Variants in SESN3 observed in about 807,000 individuals in gnomAD.
SESN3 encodes the protein sestrin-3.
Under a neutral mutation model 55.3 loss-of-function variants are expected in SESN3, and 21 were observed. That is an observed-to-expected ratio of 0.38 (90% CI 0.27 to 0.55). The LOEUF (loss-of-function observed/expected upper bound fraction) is 0.55, where lower values mean the gene tolerates loss of function less well. Among genes scored for constraint, SESN3 ranks in the 20% least tolerant of loss-of-function variants. The pLI is 0.76. For synonymous variants in SESN3, 181 were observed against 203.1 expected (o/e 0.89, Z 0.93); for missense variants, 408 against 604.3 (o/e 0.68, Z 3.41).
chr11:95,191,768 C>A (rs1860273905), intron 2 of SESN3, among the ~76,000 whole-genome samples, 167 bp from the exon 3 acceptor site: 1 of 151,980 alleles, frequency 6.6e-6, no homozygotes, highest in Non-Finnish European at 1.5e-5. Context: ...AAGAAAGCAC[C>A]ATTCATTTTT....
intron 7 of SESN3, among the ~76,000 whole-genome samples, chr11:95,178,162 C>G (rs948945058): frequency 2.0e-5 from 3 of 152,134 alleles, no homozygotes. Context: ...TCAGGTACTA[C>G]GCACACTATC....
At chr11:95,219,418 T>C (rs1206316442) in intron 1 of SESN3, among the ~76,000 whole-genome samples, 4 of 152,206 alleles carry the variant, frequency 2.6e-5, no homozygotes, top group African/African-American at 9.7e-5. Context: ...ATATTAAATG[T>C]CTAATTTTAT....
intron 1 of SESN3, among the ~76,000 whole-genome samples, chr11:95,203,092 G>A (rs1860488112): frequency 6.6e-6 from 1 of 151,904 alleles, no homozygotes; most frequent in African/African-American, 2.4e-5. Flanking sequence ...GGTGTATGAG[G>A]GACAAGTGGA....
At chr11:95,187,093 T>A (rs1447552748) in intron 4 of SESN3, among the ~76,000 whole-genome samples, 1 of 151,976 alleles carries the variant, frequency 6.6e-6, no homozygotes, top group African/African-American at 2.4e-5. Context: ...AGGCCTCTCC[T>A]GTATATCAAC....
intron 4 of SESN3, among the ~76,000 whole-genome samples, chr11:95,189,479 T>TCTC (rs1860226827): frequency 6.6e-6 from 1 of 151,968 alleles, no homozygotes; most frequent in Non-Finnish European, 1.5e-5. Context: ...CACAAACTTG[T>TCTC]AACAGAGTAC....
chr11:95,196,457 AT>A (rs143884275), intron 1 of SESN3, among the ~76,000 whole-genome samples: 2,589 of 146,310 alleles, frequency 0.018, 25 homozygotes, highest in Middle Eastern at 0.028. Flanking sequence ...CAAAAGATTG[AT>A]TTTTTTTTTT....
chr11:95,230,684 C>T lies in SESN3; in HGVS notation c.78+99G>A. On this transcript the variant is annotated intron_variant, in intron 1 of 9. Transcript: ENST00000536441. The surrounding 1 kb of genome is among the most constrained non-coding windows in gnomAD (Gnocchi z 4.6). ...TGCGGAGGGACGGTGCCCGGGGATC[C>T]CTCTCAGCCTCCCCCAGTGCGCGCC... The T allele has an allele frequency of 6.2e-6, 5 of 812,938 alleles. No homozygotes were observed. Among genetic ancestry groups the T allele is most frequent in the Non-Finnish European group, 9.9e-6 (5 of 504,030 alleles). 50.4% of individuals were successfully genotyped at this position (812,938 alleles called of 1,614,324 possible).
At chr11:95,179,229 A>C (rs1011684453) in intron 6 of SESN3, among the ~76,000 whole-genome samples, 1 of 151,276 alleles carries the variant, frequency 6.6e-6, no homozygotes, top group Non-Finnish European at 1.5e-5. Context: ...ATCTTAGCTC[A>C]CTGCAACCTC....
chr11:95,179,236 C>T (rs1178352694), intron 6 of SESN3, among the ~76,000 whole-genome samples: 3 of 151,834 alleles, frequency 2.0e-5, no homozygotes, highest in African/African-American at 2.4e-5. Flanking sequence ...CTCACTGCAA[C>T]CTCTGCCTCC....
rs3032056 is a variant in SESN3, at chr11:95,206,365, T to TACACAC, written c.79-12849_79-12844dup. 5.1e-3 allele frequency among the ~76,000 whole-genome samples: 716 copies of TACACAC among 140,452 alleles called. 6 individuals carry two copies. The highest frequency in any genetic ancestry group is 0.014 in the African/African-American group (555 of 38,302). The allele number at this position is 140,452 out of a possible 152,430, so 92.1% of individuals were successfully genotyped here. On this transcript the variant is annotated intron_variant, in intron 1 of 9. Transcript: ENST00000536441. ...TCCTGGATTTATGCCAGTCCTAAAA[T>TACACAC]ACACACACACACACACACACACACA...
Position 95,172,907 on chromosome 11 carries a change from G to A in SESN3, c.*348C>T, listed in dbSNP as rs542538323. The A allele has an allele frequency of 2.1e-4, 40 of 190,506 alleles. No individual in the cohort carries two copies. Among genetic ancestry groups the A allele is most frequent in the African/African-American group, 9.1e-4 (39 of 43,042 alleles). The allele number at this position is 190,506 out of a possible 1,614,324, so 11.8% of individuals were successfully genotyped here. On this transcript the variant is annotated 3_prime_UTR_variant, in exon 10 of 10. Transcript: ENST00000536441. ...TCCTTATTCTTAAAAAAAAAAGGGC[G>A]GGGTGGGGGGAGAAAAAATACACAT...
intron 1 of SESN3, among the ~76,000 whole-genome samples, chr11:95,205,741 C>T (rs534516624): frequency 6.6e-6 from 1 of 152,160 alleles, no homozygotes; most frequent in Admixed American, 6.6e-5. Context: ...CATTTAAAGA[C>T]CCAAACTTTT....
intron 1 of SESN3, among the ~76,000 whole-genome samples, chr11:95,218,642 AC>A (rs1410269325): frequency 7.1e-6 from 1 of 141,448 alleles, no homozygotes; most frequent in Non-Finnish European, 1.5e-5. Context: ...ACATAGATTT[AC>A]CCTCTTTTTT....
chr11:95,172,875 G>A lies in SESN3; in HGVS notation c.*380C>T, dbSNP rs1380034115. Reference sequence around the variant, plus strand: ...AAACAATTGCTTGAGCAGATTGTAAGCACTTGTCCTTATTCTTAAAAAAAA... The same window carrying A: ...AAACAATTGCTTGAGCAGATTGTAAACACTTGTCCTTATTCTTAAAAAAAA... On this transcript the variant is annotated 3_prime_UTR_variant, in exon 10 of 10. Transcript: ENST00000536441. The A allele has an allele frequency of 6.0e-6, 1 of 167,002 alleles. No individual in the cohort carries two copies. The highest frequency in any genetic ancestry group is 2.4e-5 in the African/African-American group (1 of 41,610). 10.3% of individuals were successfully genotyped at this position (167,002 alleles called of 1,614,324 possible). A position where few individuals can be genotyped will look rare whatever the true frequency, so the allele number is the denominator to read the frequency against.
At chr11:95,216,754 C>A (rs747637484) in intron 1 of SESN3, among the ~76,000 whole-genome samples, 127 of 148,058 alleles carry the variant, frequency 8.6e-4, no homozygotes, top group Admixed American at 4.0e-4. Flanking sequence ...GTAAAGGAGG[C>A]AAGATAAAAA....
At chr11:95,174,273 G>A (rs1859912280) in intron 9 of SESN3, among the ~76,000 whole-genome samples, 1 of 152,214 alleles carries the variant, frequency 6.6e-6, no homozygotes. Flanking sequence ...GTATAAAGGA[G>A]ATTCTTGAAC....
chr11:95,214,995 G>T (rs577145152), intron 1 of SESN3, among the ~76,000 whole-genome samples: 1 of 152,068 alleles, frequency 6.6e-6, no homozygotes, highest in Non-Finnish European at 1.5e-5. Context: ...TATATCTGAA[G>T]GTCTCAAATC....
At chr11:95,191,110 C>T (rs1352192179) in intron 3 of SESN3, among the ~76,000 whole-genome samples, 1 of 151,914 alleles carries the variant, frequency 6.6e-6, no homozygotes, top group Non-Finnish European at 1.5e-5. Flanking sequence ...AGAGCAAAGA[C>T]AAAACTTGTG....
intron 1 of SESN3, among the ~76,000 whole-genome samples, chr11:95,207,355 T>C (rs949453953): frequency 3.3e-5 from 5 of 151,396 alleles, no homozygotes; most frequent in African/African-American, 1.2e-4. Flanking sequence ...ATGCTAGAGG[T>C]AAGGTGATAC....
Sources: allele counts gnomAD v4.1 joint callset (sites outside exome capture counted in the v4.1 genomes callset), GRCh38; gene constraint gnomAD v4.1.1; non-coding constraint Gnocchi (gnomAD v3.1); transcripts MANE v1.5; gene names NCBI Gene and HGNC (gene_info 2026-07-23, HGNC 2026-07-21).